Variants in AHR observed in about 807,000 individuals in gnomAD.
AHR encodes the protein AH-receptor.
In AHR, 40 loss-of-function variants were observed where a neutral mutation model predicts 86.8. That is an observed-to-expected ratio of 0.46 (90% CI 0.36 to 0.60). The LOEUF is 0.60. AHR is among the 20% of genes least tolerant of loss of function. The pLI is 0.00. For synonymous variants in AHR, 398 were observed against 354.9 expected (o/e 1.12, Z -1.37); for missense variants, 1,001 against 1,011.6 (o/e 0.99, Z 0.14).
chr7:17,316,572 G>C (rs1197694377), intron 2 of AHR, among the ~76,000 whole-genome samples: 2 of 152,158 alleles, frequency 1.3e-5, no homozygotes, highest in Non-Finnish European at 2.9e-5. Flanking sequence ...AGCCATGATC[G>C]TGCCACTGAA....
At chr7:17,322,926 A>G (rs1782189490) in intron 3 of AHR, among the ~76,000 whole-genome samples, 2 of 152,094 alleles carry the variant, frequency 1.3e-5, no homozygotes, top group African/African-American at 4.8e-5. Flanking sequence ...TACAGTATTC[A>G]GTATAGTAAC....
At chr7:17,322,707 T>A (rs960666151) in intron 3 of AHR, 100 bp downstream of exon 3, 4 of 847,344 alleles carry the variant, frequency 4.7e-6, no homozygotes, top group Non-Finnish European at 7.4e-6. Flanking sequence ...TAGGATTTGC[T>A]CAATGTTTTT....
chr7:17,338,945 G>T, intron 9 of AHR, 41 bp from the exon 10 acceptor site: 1 of 1,489,414 alleles, frequency 6.7e-7, no homozygotes. Context: ...TAAAATGTTT[G>T]ATAGAATTTT....
chr7:17,328,065 C>T (rs1782247734), intron 4 of AHR, among the ~76,000 whole-genome samples: 1 of 151,666 alleles, frequency 6.6e-6, no homozygotes, highest in Non-Finnish European at 1.5e-5. Context: ...TTTCTTCTTT[C>T]GCTTATCAAG....
chr7:17,303,833 T>C lies in AHR; in HGVS notation c.65+4504T>C, dbSNP rs1384233987. ...CCAAATCGTACACTCCAAGAGATAGTATCAAATTAAGAAAAATTTACTAAT... is the reference window on the plus strand; with the variant it reads ...CCAAATCGTACACTCCAAGAGATAGCATCAAATTAAGAAAAATTTACTAAT... On this transcript the variant is annotated intron_variant, in intron 1 of 10. Coordinates refer to ENST00000242057, the MANE Select transcript of AHR (RefSeq NM_001621.5). Among the ~76,000 whole-genome samples the C allele has an allele frequency of 2.6e-5, 4 of 152,248 alleles. No individual in the cohort carries two copies. In the East Asian group the frequency reaches 7.7e-4, roughly 29 times the overall value.
At chr7:17,322,993 A>G (rs192022536) in intron 3 of AHR, among the ~76,000 whole-genome samples, 10 of 152,188 alleles carry the variant, frequency 6.6e-5, no homozygotes, top group African/African-American at 2.2e-4. Context: ...GCGTAAGTGT[A>G]TGGTAGACTA....
chr7:17,334,186 A>C (rs1463320466), intron 7 of AHR, 72 bp downstream of exon 7: 3 of 1,321,782 alleles, frequency 2.3e-6, no homozygotes, highest in African/African-American at 1.5e-5. Context: ...TTAGCATGTA[A>C]AACATACAGT....
chr7:17,343,648 AT>A lies in AHR; in HGVS notation c.*585del, dbSNP rs1782450156. The A allele has an allele frequency of 6.6e-6, 1 of 152,532 alleles. No homozygotes were observed. The highest frequency in any genetic ancestry group is 1.5e-5 in the Non-Finnish European group (1 of 67,996). The allele number at this position is 152,532 out of a possible 1,614,324, so 9.4% of individuals were successfully genotyped here. ...TTCTACCTATAACACTCTAGGATGT[AT>A]ATTTTATATAAAGTATTCTTTTTCT... On this transcript the variant is annotated 3_prime_UTR_variant, in exon 11 of 11. Transcript: ENST00000242057.
intron 1 of AHR, among the ~76,000 whole-genome samples, chr7:17,303,835 T>C (rs966018853): frequency 6.6e-6 from 1 of 152,112 alleles, no homozygotes; most frequent in Non-Finnish European, 1.5e-5. Flanking sequence ...AGAGATAGTA[T>C]CAAATTAAGA....
intron 2 of AHR, among the ~76,000 whole-genome samples, chr7:17,310,402 T>G (rs1255069522): frequency 2.6e-5 from 4 of 152,134 alleles, no homozygotes; most frequent in Non-Finnish European, 5.9e-5. Context: ...CAAATTCCAG[T>G]TTCCCTTCTA....
At chr7:17,325,398 A>C (rs189329949) in intron 3 of AHR, among the ~76,000 whole-genome samples, 17 of 152,232 alleles carry the variant, frequency 1.1e-4, no homozygotes, top group Non-Finnish European at 2.1e-4. Flanking sequence ...TGTTCTACAA[A>C]ATAATATGAA....
At chr7:17,331,320 A>G (rs1782286516) in intron 6 of AHR, among the ~76,000 whole-genome samples, 1 of 151,908 alleles carries the variant, frequency 6.6e-6, no homozygotes, top group South Asian at 2.1e-4. Context: ...AAACAAGCCA[A>G]TTTTCTTTGG....
intron 3 of AHR, among the ~76,000 whole-genome samples, 196 bp downstream of exon 3, chr7:17,322,803 T>C: frequency 6.6e-6 from 1 of 152,074 alleles, no homozygotes; most frequent in East Asian, 1.9e-4. Flanking sequence ...TAATGATGTT[T>C]CAGTTAACAA....
chr7:17,340,200 T>G lies in AHR; in HGVS notation c.2375T>G (p.Leu792Arg), dbSNP rs759721607. 2.5e-6 allele frequency: 4 copies of G among 1,609,594 alleles called. No individual in the cohort carries two copies. The highest frequency in any genetic ancestry group is 3.4e-6 in the Non-Finnish European group (4 of 1,177,564). Residue 792 changes from leucine (L) to arginine (R), a missense_variant, in exon 10 of 11, where the codon CTG becomes CGG. Physicochemically the swap from Leu to Arg is moderately radical, Grantham distance 102. Around this residue, in one of 2 missense-constraint regions of AHR, gnomAD observed 607 missense variants for 543.1 expected, o/e 1.12. Transcript: ENST00000242057. ...GGTCAGATGCAGTACAATCCAGTACTGCCAGGCCAACAGGCATTTTTAAAC... is the reference window on the plus strand; with the variant it reads ...GGTCAGATGCAGTACAATCCAGTACGGCCAGGCCAACAGGCATTTTTAAAC... ...HVGQMQYNPV[L>R]PGQQAFLNKF... is the part of the protein sequence containing the mutation.
intron 9 of AHR, among the ~76,000 whole-genome samples, chr7:17,337,350 G>T (rs1299559857): frequency 2.0e-5 from 3 of 151,942 alleles, no homozygotes; most frequent in Non-Finnish European, 2.9e-5. Flanking sequence ...TTATATATCA[G>T]AAGTCTAGTT....
At chr7:17,341,536 A>G (rs936968023) in intron 10 of AHR, among the ~76,000 whole-genome samples, 7 of 152,164 alleles carry the variant, frequency 4.6e-5, no homozygotes, top group Non-Finnish European at 7.4e-5. Context: ...CATATGTTCC[A>G]GAGTACATGT....
At position 17,339,195 on chromosome 7, in the gene AHR, T is replaced by G; in HGVS notation, c.1370T>G (p.Leu457Arg). Residue 457 changes from leucine (L) to arginine (R), a missense_variant, in exon 10 of 11, where the codon CTG (leucine) becomes CGG (arginine). Leu to Arg is a moderately radical substitution (Grantham distance 102). Around this residue, in one of 2 missense-constraint regions of AHR, gnomAD observed 607 missense variants for 543.1 expected, o/e 1.12. Transcript: ENST00000242057. ...GACTCTCTCAATCCTAGTTCCCTCC[T>G]GGCTGCCATGATGCAACAAGATGAG... ...SKDSLNPSSL[L>R]AAMMQQDESI... 6.2e-7 allele frequency: 1 copy of G among 1,614,228 alleles called. No individual in the cohort carries two copies. The highest frequency in any genetic ancestry group is 8.5e-7 in the Non-Finnish European group (1 of 1,180,042).
intron 3 of AHR, 133 bp downstream of exon 3, chr7:17,322,740 A>G: frequency 4.7e-6 from 3 of 632,932 alleles, no homozygotes; most frequent in South Asian, 4.2e-5. Flanking sequence ...CTGAACTGCG[A>G]TAGTGAATGA....
rs759278839 is a variant in AHR at position 17,340,128 on chromosome 7, C to T, written c.2303C>T (p.Ala768Val). The change falls in exon 10 of 11, where the codon GCC becomes GTC. Residue 768 changes from alanine to valine, a missense_variant. Physicochemically the swap from Ala to Val is moderately conservative, Grantham distance 64. This residue lies in a region of AHR where 607 missense variants were observed against 543.1 expected (regional missense o/e 1.12). Coordinates refer to ENST00000242057, the MANE Select transcript of AHR (RefSeq NM_001621.5). ...ACTCCTCAGACATGTTATGCTGGGGCCGTGTCGATGTATCAGTGCCAGCCA... is the reference window on the plus strand; with the variant it reads ...ACTCCTCAGACATGTTATGCTGGGGTCGTGTCGATGTATCAGTGCCAGCCA... The part of the protein sequence containing the change: ...IITPQTCYAG[A>V]VSMYQCQPEP... 6.8e-6 allele frequency: 11 copies of T among 1,614,206 alleles called. No individual in the cohort carries two copies. In the South Asian group the frequency reaches 1.1e-4, roughly 16 times the overall value.
Sources: gnomAD v4.1 joint callset for allele counts (sites outside exome capture counted in the v4.1 genomes callset) on GRCh38, gnomAD v4.1.1 for gene constraint, gnomAD v4.1.1 regional missense constraint, MANE v1.5 for transcripts, NCBI Gene and HGNC (gene_info 2026-07-23, HGNC 2026-07-21) for gene names.